Variants in TMEM132C observed in about 807,000 individuals in gnomAD.
The protein encoded by TMEM132C is transmembrane protein 132C.
Under a neutral mutation model 61.4 loss-of-function variants are expected in TMEM132C, and 29 were observed. The observed-to-expected ratio is 0.47, with a 90% CI of 0.35 to 0.64. TMEM132C has a LOEUF of 0.64. Among genes scored for constraint, TMEM132C ranks in the 30% least tolerant of loss-of-function variants. The pLI is 0.00. For missense variants in TMEM132C, 1,408 were observed against 1,476.9 expected (o/e 0.95, Z 0.76); for synonymous variants, 656 against 633.1 (o/e 1.04, Z -0.54).
In TMEM132C at chr12:128,705,270, C is replaced by G; in HGVS notation, c.2302C>G (p.Leu768Val). Residue 768 changes from leucine to valine, a missense_variant, in exon 9 of 9, where the codon CTG becomes GTG. Transcript: ENST00000435159. ...GGCCGAAGGGGAAGGCCAGGGCCCACTGATCCGAGTGGACATGACGATCGC... is the reference window on the plus strand; with the variant it reads ...GGCCGAAGGGGAAGGCCAGGGCCCAGTGATCCGAGTGGACATGACGATCGC... ...VVAEGEGQGP[L>V]IRVDMTIAEA... 2 of 1,551,664 alleles carry G rather than the reference C, an allele frequency of 1.3e-6. No homozygotes were observed. The highest frequency in any genetic ancestry group is 1.7e-6 in the Non-Finnish European group (2 of 1,146,992).
chr12:128,306,519 T>C (rs1419139144), intron 1 of TMEM132C, among the ~76,000 whole-genome samples: 1 of 152,212 alleles, frequency 6.6e-6, no homozygotes, highest in East Asian at 1.9e-4. Context: ...GAAGAAATTC[T>C]AACTTGTAAT....
At chr12:128,571,273 C>A (rs1874871817) in intron 3 of TMEM132C, among the ~76,000 whole-genome samples, 1 of 152,230 alleles carries the variant, frequency 6.6e-6, no homozygotes, top group South Asian at 2.1e-4. Flanking sequence ...TGAAAAGGTA[C>A]ATCTCACTAT....
At chr12:128,370,526 T>C (rs1264345157) in intron 1 of TMEM132C, among the ~76,000 whole-genome samples, 1 of 151,572 alleles carries the variant, frequency 6.6e-6, no homozygotes, top group Non-Finnish European at 1.5e-5. Context: ...TAGAGCCCAG[T>C]GAGAGTGGGG....
intron 2 of TMEM132C, among the ~76,000 whole-genome samples, chr12:128,423,888 G>A (rs75239557): frequency 0.012 from 1,818 of 150,838 alleles, 14 homozygotes; most frequent in Middle Eastern, 0.041. Flanking sequence ...AGAAAGAAAG[G>A]GAAAAAAATT....
intron 1 of TMEM132C, among the ~76,000 whole-genome samples, chr12:128,378,630 T>C (rs530252443): frequency 7.2e-5 from 11 of 152,150 alleles, no homozygotes; most frequent in Non-Finnish European, 1.5e-4. Flanking sequence ...GAAGGAGCTG[T>C]CATAGTAATG....
chr12:128,690,521 C>T (rs1463465969), intron 5 of TMEM132C, among the ~76,000 whole-genome samples: 1 of 152,040 alleles, frequency 6.6e-6, no homozygotes, highest in Non-Finnish European at 1.5e-5. Context: ...TCGGGAGCAG[C>T]CAGGTTTCCT....
rs779933765 is a variant in TMEM132C, at chr12:128,641,836, C to T, written c.1305+25501C>T. Among the ~76,000 whole-genome samples, 3 of 152,084 alleles carry T rather than the reference C, an allele frequency of 2.0e-5. No individual in the cohort carries two copies. The East Asian group carries it at 5.8e-4, about 29-fold the overall frequency. ...TTGAGATGGAGTCTCACTCTGTCAC[C>T]GAGGCTGGAGTGCAGTGGCACGATC... On this transcript the variant is annotated intron_variant, in intron 4 of 8. Coordinates refer to ENST00000435159, the MANE Select transcript of TMEM132C (RefSeq NM_001136103.3).
intron 3 of TMEM132C, among the ~76,000 whole-genome samples, chr12:128,565,036 A>G (rs1194440471): frequency 6.6e-6 from 1 of 152,214 alleles, no homozygotes; most frequent in Non-Finnish European, 1.5e-5. Flanking sequence ...TATCTAACTA[A>G]CCAATAGTGA....
intron 1 of TMEM132C, among the ~76,000 whole-genome samples, chr12:128,355,892 GC>G (rs1270668792): frequency 2.6e-5 from 4 of 152,180 alleles, no homozygotes; most frequent in East Asian, 1.9e-4. Context: ...TAAAATTGCA[GC>G]CCCCTGGCAC....
intron 4 of TMEM132C, among the ~76,000 whole-genome samples, chr12:128,653,979 G>A (rs896877181): frequency 6.6e-6 from 1 of 152,208 alleles, no homozygotes; most frequent in Non-Finnish European, 1.5e-5. Context: ...CTACTCTGCT[G>A]TGTTGACACC....
intron 2 of TMEM132C, among the ~76,000 whole-genome samples, chr12:128,511,483 A>G (rs1450441504): frequency 6.6e-6 from 1 of 152,208 alleles, no homozygotes; most frequent in Non-Finnish European, 1.5e-5. Flanking sequence ...GTTCCTTACT[A>G]AGAGGGACAT....
chr12:128,539,508 C>T (rs541478539), intron 2 of TMEM132C, among the ~76,000 whole-genome samples: 1 of 152,142 alleles, frequency 6.6e-6, no homozygotes, highest in Non-Finnish European at 1.5e-5. Context: ...GTCCCAGCTA[C>T]CCGGGAGGCT....
chr12:128,698,648 A>G (rs962687160), intron 8 of TMEM132C, among the ~76,000 whole-genome samples: 3 of 152,222 alleles, frequency 2.0e-5, no homozygotes, highest in South Asian at 2.1e-4. Flanking sequence ...GGCTGCTGTT[A>G]TTATGATCAC....
At chr12:128,303,886 G>A (rs540850426) in intron 1 of TMEM132C, among the ~76,000 whole-genome samples, 2 of 152,172 alleles carry the variant, frequency 1.3e-5, no homozygotes, top group Non-Finnish European at 2.9e-5. Flanking sequence ...AACCTTCCAC[G>A]TTACCATGTG....
intron 2 of TMEM132C, among the ~76,000 whole-genome samples, chr12:128,505,852 G>A (rs930317690): frequency 5.9e-5 from 9 of 152,300 alleles, no homozygotes; most frequent in African/African-American, 2.2e-4. Context: ...ACAGCTCTGA[G>A]GAGGGAGGTC....
At chr12:128,562,234 A>G (rs1431123710) in intron 3 of TMEM132C, among the ~76,000 whole-genome samples, 1 of 152,194 alleles carries the variant, frequency 6.6e-6, no homozygotes, top group East Asian at 1.9e-4. Flanking sequence ...GTGGTTCAGG[A>G]GAAAACGTAG....
rs376023522 is a variant in TMEM132C at position 128,682,661 on chromosome 12, G to A, written c.1450-11168G>A. 3.3e-5 allele frequency among the ~76,000 whole-genome samples: 5 copies of A among 152,306 alleles called. No individual in the cohort carries two copies. In the East Asian group the frequency reaches 7.7e-4, roughly 24 times the overall value. On this transcript the variant is annotated intron_variant, in intron 5 of 8. Coordinates refer to ENST00000435159, the MANE Select transcript of TMEM132C (RefSeq NM_001136103.3). ...AAGAAGAAAATATCAGACATATAACGCTATTGAAACAGAGCATCGCCCGCC... is the reference window on the plus strand; with the variant it reads ...AAGAAGAAAATATCAGACATATAACACTATTGAAACAGAGCATCGCCCGCC...
chr12:128,285,057 T>C (rs1263490777), intron 1 of TMEM132C, among the ~76,000 whole-genome samples: 4 of 152,032 alleles, frequency 2.6e-5, no homozygotes, highest in African/African-American at 4.8e-5. Flanking sequence ...GGTAGGAGGA[T>C]TGTTGACCTT....
Position 128,546,901 on chromosome 12 carries a change from C to T in TMEM132C, c.1121+2798C>T, listed in dbSNP as rs558412622. Among the ~76,000 whole-genome samples, 8 of 152,330 alleles carry T rather than the reference C, an allele frequency of 5.3e-5. 1 individual carries two copies. Among genetic ancestry groups the T allele is most frequent in the Admixed American group, 5.2e-4 (8 of 15,306 alleles). ...AGGATTAGGATGTAGACAAATTGGC[C>T]TGCCTCTGTCTTCTTACAGCATGGC... On this transcript the variant is annotated intron_variant, in intron 3 of 8. Transcript: ENST00000435159.
Sources: allele counts gnomAD v4.1 joint callset (sites outside exome capture counted in the v4.1 genomes callset), GRCh38; gene constraint gnomAD v4.1.1; transcripts MANE v1.5; gene names NCBI Gene and HGNC (gene_info 2026-07-23, HGNC 2026-07-21).